RBFOX1: variants seen among roughly 807,000 people sequenced by gnomAD.
RBFOX1 encodes the protein RNA binding protein fox-1 homolog 1.
A neutral mutation model predicts 57.7 loss-of-function variants in RBFOX1; 8 were observed. That is an observed-to-expected ratio of 0.14 (90% CI 0.08 to 0.25). RBFOX1 has a LOEUF of 0.25. Among genes scored for constraint, RBFOX1 ranks in the 10% least tolerant of loss-of-function variants. The pLI is 1.00. For synonymous variants in RBFOX1, 326 were observed against 222.4 expected (o/e 1.47, Z -4.15); for missense variants, 611 against 548.5 (o/e 1.11, Z -1.14).
At chr16:7,352,953 T>G (rs2097154175) in intron 4 of RBFOX1, among the ~76,000 whole-genome samples, 1 of 152,128 alleles carries the variant, frequency 6.6e-6, no homozygotes, top group Admixed American at 6.5e-5. Flanking sequence ...TAGGCTTCAG[T>G]GATCTGCTTG....
chr16:7,081,664 T>G (rs1273558145), intron 4 of RBFOX1, among the ~76,000 whole-genome samples: 1 of 152,186 alleles, frequency 6.6e-6, no homozygotes, highest in African/African-American at 2.4e-5. Context: ...AGTTGGGTAG[T>G]CAAGTGATAG....
At chr16:6,653,354 C>G (rs1346180171) in intron 2 of RBFOX1, among the ~76,000 whole-genome samples, 4 of 152,164 alleles carry the variant, frequency 2.6e-5, no homozygotes, top group Non-Finnish European at 5.9e-5. Context: ...CAGGGCGGGC[C>G]TGCCATGTGT....
intron 1 of RBFOX1, among the ~76,000 whole-genome samples, chr16:6,128,646 A>T (rs1419573379): frequency 1.3e-5 from 2 of 152,194 alleles, no homozygotes; most frequent in African/African-American, 4.8e-5. Context: ...ACAAAAGAGG[A>T]ATATGTGCAG....
intron 3 of RBFOX1, among the ~76,000 whole-genome samples, chr16:6,693,428 C>T (rs894410436): frequency 3.3e-5 from 5 of 151,766 alleles, no homozygotes; most frequent in Non-Finnish European, 7.4e-5. Flanking sequence ...CTATCATTAT[C>T]AACATCCTCC....
intron 4 of RBFOX1, among the ~76,000 whole-genome samples, chr16:7,436,244 T>C (rs1284744115): frequency 6.6e-6 from 1 of 152,254 alleles, no homozygotes; most frequent in Non-Finnish European, 1.5e-5. Flanking sequence ...TATTTGACAA[T>C]GAATCGTGAG....
chr16:5,508,773 C>T (rs576061263), intron 2 of RBFOX1, among the ~76,000 whole-genome samples: 3 of 152,324 alleles, frequency 2.0e-5, no homozygotes, highest in South Asian at 2.1e-4. Flanking sequence ...ATCACAGGGC[C>T]AGCTCACAGT....
chr16:6,109,588 A>C (rs905198929), intron 1 of RBFOX1, among the ~76,000 whole-genome samples: 4 of 152,206 alleles, frequency 2.6e-5, no homozygotes, highest in African/African-American at 9.7e-5. Flanking sequence ...TTTCTAGTGC[A>C]CTTAAAAATA....
chr16:6,351,839 G>C (rs1254251805), intron 2 of RBFOX1, among the ~76,000 whole-genome samples: 5 of 152,008 alleles, frequency 3.3e-5, no homozygotes, highest in Non-Finnish European at 7.4e-5. Context: ...TAAAATGTTG[G>C]GTGCTTTGCA....
intron 3 of RBFOX1, among the ~76,000 whole-genome samples, chr16:6,678,272 G>C (rs2058075715): frequency 6.6e-6 from 1 of 152,074 alleles, no homozygotes; most frequent in African/African-American, 2.4e-5. Flanking sequence ...CTGCAGGCGT[G>C]TACCACCACA....
At position 6,621,014 on chromosome 16, in the gene RBFOX1, G is replaced by A. The variant is rs76190208; in HGVS notation, c.-63-33589G>A. 6.4e-3 allele frequency among the ~76,000 whole-genome samples: 972 copies of A among 152,244 alleles called. 10 individuals carry two copies. Among genetic ancestry groups the A allele is most frequent in the Middle Eastern group, 0.02 (6 of 294 alleles). Reference sequence around the variant, plus strand: ...GTTGATTCCTACTAGAGGCTTGGAAGGAGAATCTGATCCTTGCATCTCTTT... The same window carrying A: ...GTTGATTCCTACTAGAGGCTTGGAAAGAGAATCTGATCCTTGCATCTCTTT... On this transcript the variant is annotated intron_variant, in intron 2 of 15. Coordinates refer to ENST00000550418, the MANE Select transcript of RBFOX1 (RefSeq NM_018723.4).
At chr16:6,999,199 A>T (rs1271217787) in intron 3 of RBFOX1, among the ~76,000 whole-genome samples, 6 of 100,878 alleles carry the variant, frequency 5.9e-5, no homozygotes, top group South Asian at 4.1e-4. Flanking sequence ...ATTTTATTTT[A>T]TTTTTTATTT....
chr16:7,372,572 A>G (rs2147405511), intron 4 of RBFOX1, among the ~76,000 whole-genome samples: 1 of 152,302 alleles, frequency 6.6e-6, no homozygotes, highest in Non-Finnish European at 1.5e-5. Context: ...GAAGGATTGC[A>G]TCTGACTTAG....
chr16:5,709,655 A>T (rs2051378986), intron 3 of RBFOX1, among the ~76,000 whole-genome samples: 1 of 150,206 alleles, frequency 6.7e-6, no homozygotes, highest in Non-Finnish European at 1.5e-5. Context: ...ATTCTTACAT[A>T]GGATAATATT....
At chr16:7,352,307 C>T (rs1238031400) in intron 4 of RBFOX1, among the ~76,000 whole-genome samples, 4 of 152,134 alleles carry the variant, frequency 2.6e-5, no homozygotes, top group Non-Finnish European at 5.9e-5. Context: ...AAACAACTGG[C>T]CCTGTCCTTC....
intron 2 of RBFOX1, chr16:6,483,426 G>A (rs898799385): frequency 3.8e-5 from 58 of 1,535,348 alleles, no homozygotes; most frequent in Non-Finnish European, 4.8e-5. Flanking sequence ...CGTGGGTGCC[G>A]TTTGCTGTTG....
chr16:6,298,708 C>A (rs1016356269), intron 1 of RBFOX1, among the ~76,000 whole-genome samples: 2 of 152,070 alleles, frequency 1.3e-5, no homozygotes, highest in Admixed American at 6.5e-5. Context: ...AAGCAGTGTT[C>A]GAGAATGACA....
At chr16:7,424,131 T>C (rs1363802657) in intron 4 of RBFOX1, among the ~76,000 whole-genome samples, 1 of 152,196 alleles carries the variant, frequency 6.6e-6, no homozygotes, top group East Asian at 1.9e-4. Context: ...AATGAATTTT[T>C]AGGAAAAAGA....
At chr16:6,337,369 C>G (rs1272386248) in intron 2 of RBFOX1, among the ~76,000 whole-genome samples, 1 of 152,158 alleles carries the variant, frequency 6.6e-6, no homozygotes, top group Non-Finnish European at 1.5e-5. Flanking sequence ...ATTTGAATCA[C>G]CGCCATCAAC....
intron 4 of RBFOX1, among the ~76,000 whole-genome samples, chr16:7,406,011 C>A (rs577826605): frequency 6.6e-6 from 1 of 152,168 alleles, no homozygotes; most frequent in Non-Finnish European, 1.5e-5. Context: ...CTGCAACACA[C>A]AGAGCATATC....
Sources: allele counts gnomAD v4.1 joint callset (sites outside exome capture counted in the v4.1 genomes callset), GRCh38; gene constraint gnomAD v4.1.1; transcripts MANE v1.5; gene names NCBI Gene and HGNC (gene_info 2026-07-23, HGNC 2026-07-21).